Variants in CA7 observed in about 807,000 individuals in gnomAD.
CA7 encodes carbonic anhydrase 7.
In CA7, 13 loss-of-function variants were observed where a neutral mutation model predicts 31.4. That is an observed-to-expected ratio of 0.41 (90% CI 0.27 to 0.66). The LOEUF (loss-of-function observed/expected upper bound fraction) is 0.66. Among genes scored for constraint, CA7 ranks in the 30% least tolerant of loss-of-function variants. The pLI, the probability that CA7 is intolerant of heterozygous loss-of-function variation, is 0.28. For synonymous variants in CA7, 128 were observed against 133.2 expected, an observed-to-expected ratio of 0.96 and a Z score of 0.27; for missense variants, 215 against 351.0, an observed-to-expected ratio of 0.61 and a Z score of 3.10.
At chr16:66,848,472 G>T (rs1274514155) in intron 2 of CA7, among the ~76,000 whole-genome samples, 1 of 152,220 alleles carries the variant, frequency 6.6e-6, no homozygotes, top group Non-Finnish European at 1.5e-5. Context: ...CCACTGGGGT[G>T]GGAGAAGACA....
chr16:66,850,312 T>G (rs1961012833), intron 2 of CA7, among the ~76,000 whole-genome samples: 1 of 151,896 alleles, frequency 6.6e-6, no homozygotes, highest in Non-Finnish European at 1.5e-5. Flanking sequence ...TGGTGCCACA[T>G]GCCTATAGTC....
intron 6 of CA7, 102 bp downstream of exon 6, chr16:66,852,969 T>C: frequency 9.7e-7 from 1 of 1,032,900 alleles, no homozygotes; most frequent in Non-Finnish European, 1.4e-6. Context: ...GATCCCACCT[T>C]CAAGGTTCCT....
At chr16:66,851,580 C>A (rs759147522) in intron 4 of CA7, 22 bp downstream of exon 4, 5 of 1,613,286 alleles carry the variant, frequency 3.1e-6, no homozygotes, top group East Asian at 2.2e-5. Context: ...TTTGCTGGGG[C>A]CTGGAGGGGC....
In CA7 at chr16:66,851,652, T is replaced by C. The variant is rs1256011378; in HGVS notation, c.454-12T>C. The C allele has an allele frequency of 6.2e-7, 1 of 1,613,998 alleles. No homozygotes were observed. Among genetic ancestry groups the C allele is most frequent in the South Asian group, 1.1e-5 (1 of 91,076 alleles). The stretch of plus-strand genomic sequence containing the variant: ...AGTGGGCTCTGGGCTCACACTGCCC[T>C]CTCCCTGACAGACAGGAGACGAGCA... On this transcript the variant is annotated splice_polypyrimidine_tract_variant and intron_variant, in intron 4 of 6. Transcript: ENST00000338437.
At chr16:66,847,877 G>T (rs745607705) in intron 2 of CA7, among the ~76,000 whole-genome samples, 2 of 152,202 alleles carry the variant, frequency 1.3e-5, no homozygotes, top group Non-Finnish European at 2.9e-5. Flanking sequence ...TTTGCCCTGG[G>T]ATTAGAGTCC....
At chr16:66,850,099 G>A (rs747314059) in intron 2 of CA7, among the ~76,000 whole-genome samples, 14 of 141,022 alleles carry the variant, frequency 9.9e-5, no homozygotes, top group Non-Finnish European at 1.4e-4. Context: ...CTCCAGCCTC[G>A]GTGACAGAGC....
chr16:66,847,846 GGC>G (rs1264666407), intron 2 of CA7, among the ~76,000 whole-genome samples: 1 of 152,146 alleles, frequency 6.6e-6, no homozygotes, highest in Non-Finnish European at 1.5e-5. Flanking sequence ...GGGAATTCGT[GGC>G]AGCTCCTTCC....
At chr16:66,852,678 A>G (rs7187695) in intron 5 of CA7, 34 bp from the exon 6 acceptor site, 158,174 of 1,591,114 alleles carry the variant, frequency 0.099, 20,736 homozygotes, top group African/African-American at 0.66. Flanking sequence ...TGGGAGGTCT[A>G]TGCTGATTCC....
Position 66,847,233 on chromosome 16 carries a change from T to C in CA7, c.238+6T>C, listed in dbSNP as rs764129605. On this transcript the variant is annotated splice_donor_region_variant and intron_variant, in intron 2 of 6. Transcript: ENST00000338437. ...TGACAGCGATGACCGAACCGGTAAG[T>C]GGCCCCTGCCAAAGCCTGGCACCTG... The C allele has an allele frequency of 5.5e-5, 89 of 1,614,040 alleles. 1 individual carries two copies. The highest frequency in any genetic ancestry group is 7.2e-5 in the Non-Finnish European group (85 of 1,179,910).
intron 1 of CA7, chr16:66,844,824 G>T: frequency 3.3e-6 from 3 of 912,400 alleles, no homozygotes; most frequent in Non-Finnish European, 4.3e-6. Flanking sequence ...CCCAGGCCCA[G>T]ACTCTCACTC....
Position 66,853,012 on chromosome 16 carries a change from T to G in CA7, c.672+145T>G, listed in dbSNP as rs911212296. 2 of 768,974 alleles carry G rather than the reference T, an allele frequency of 2.6e-6. No homozygotes were observed. The highest frequency in any genetic ancestry group is 5.6e-5 in the East Asian group (2 of 35,774). 47.6% of individuals were successfully genotyped at this position (768,974 alleles called of 1,614,324 possible). A position where few individuals can be genotyped will look rare whatever the true frequency, so the allele number is the denominator to read the frequency against. On this transcript the variant is annotated intron_variant, in intron 6 of 6. Coordinates refer to ENST00000338437, the MANE Select transcript of CA7 (RefSeq NM_005182.3). The surrounding 1 kb of genome is among the most constrained non-coding windows in gnomAD (Gnocchi z 4.5). ...TTTTACTAATAAATGTATAGATTCT[T>G]GGTTGGGAGTTAGCTTGATTGTTAA...
intron 3 of CA7, among the ~76,000 whole-genome samples, chr16:66,851,244 C>T (rs537026014): frequency 1.3e-5 from 2 of 152,194 alleles, no homozygotes; most frequent in Non-Finnish European, 2.9e-5. Context: ...CTCTTTGGGT[C>T]CCCCGGAGCC....
At chr16:66,850,736 T>G in intron 3 of CA7, 77 bp downstream of exon 3, 2 of 1,098,468 alleles carry the variant, frequency 1.8e-6, no homozygotes, top group Non-Finnish European at 2.8e-6. Context: ...GGCTTGAGGA[T>G]GCCTGGGGTC....
chr16:66,845,276 T>C, intron 1 of CA7: 2 of 974,374 alleles, frequency 2.1e-6, no homozygotes, highest in Non-Finnish European at 2.4e-6. Context: ...GGGCAGTCAA[T>C]TCCCTTTGGG....
intron 2 of CA7, among the ~76,000 whole-genome samples, chr16:66,848,489 GACAT>G (rs1351546789): frequency 6.6e-6 from 1 of 152,192 alleles, no homozygotes; most frequent in Non-Finnish European, 1.5e-5. Flanking sequence ...GACACAGGGG[GACAT>G]GCCTTTGGAT....
intron 1 of CA7, among the ~76,000 whole-genome samples, chr16:66,846,534 G>C (rs951404684): frequency 6.6e-6 from 1 of 152,182 alleles, no homozygotes; most frequent in African/African-American, 2.4e-5. Context: ...GTGAAATGGG[G>C]ATCTTGCTGG....
rs2145384494 is a variant in CA7 at position 66,851,739 on chromosome 16, C to T, written c.516+13C>T. 6.2e-7 allele frequency: 1 copy of T among 1,611,370 alleles called. No homozygotes were observed. The highest frequency in any genetic ancestry group is 2.2e-5 in the East Asian group (1 of 44,714). ...GGTCCGGTTCAAGGTAAAGTCCCTG[C>T]CCCTGACCCAAGCAGCCCGATGGGG... is the stretch of plus-strand genomic sequence containing the variant. On this transcript the variant is annotated intron_variant, in intron 5 of 6. Coordinates refer to ENST00000338437, the MANE Select transcript of CA7 (RefSeq NM_005182.3).
At chr16:66,850,428 G>C in intron 2 of CA7, 113 bp from the exon 3 acceptor site, 2 of 722,920 alleles carry the variant, frequency 2.8e-6, no homozygotes, top group Non-Finnish European at 2.5e-6. Flanking sequence ...GCAACAGAGC[G>C]AGACCCTGAC....
intron 2 of CA7, among the ~76,000 whole-genome samples, chr16:66,848,381 C>T (rs946856872): frequency 1.3e-5 from 2 of 152,188 alleles, no homozygotes; most frequent in African/African-American, 4.8e-5. Flanking sequence ...TGGCAAGGAA[C>T]AGTTTTCATA....
Sources: gnomAD v4.1 joint callset for allele counts (sites outside exome capture counted in the v4.1 genomes callset) on GRCh38, gnomAD v4.1.1 for gene constraint, Gnocchi (gnomAD v3.1) non-coding constraint, MANE v1.5 for transcripts, NCBI Gene and HGNC (gene_info 2026-07-23, HGNC 2026-07-21) for gene names.